TMEM178B: variants seen among roughly 807,000 people sequenced by gnomAD.
TMEM178B encodes transmembrane protein 178B.
A neutral mutation model predicts 31.0 loss-of-function variants in TMEM178B; 5 were observed. The observed-to-expected ratio is 0.16, with a 90% CI of 0.08 to 0.34. The LOEUF is 0.34. TMEM178B is among the 10% of genes least tolerant of loss of function. TMEM178B has a pLI of 1.00. For missense variants in TMEM178B, 275 were observed against 400.3 expected (o/e 0.69, Z 2.67); for synonymous variants, 164 against 164.0 (o/e 1.00, Z 0.00).
intron 1 of TMEM178B, among the ~76,000 whole-genome samples, chr7:141,126,723 C>T (rs977105884): frequency 2.6e-5 from 4 of 152,082 alleles, no homozygotes; most frequent in African/African-American, 4.8e-5. Context: ...TGTTTATATC[C>T]GTGGGCACTT....
Position 141,195,634 on chromosome 7 carries a change from A to G in TMEM178B, c.383-16957A>G, listed in dbSNP as rs538085418. Among the ~76,000 whole-genome samples the G allele has an allele frequency of 8.5e-5, 13 of 152,284 alleles. No homozygotes were observed. The South Asian group carries it at 2.5e-3, about 29-fold the overall frequency. ...CTCCAAACTGTTCCAGCCTCTGCCTATTACCCAGTTCCAAAGTTGCTTCCA... is the reference window on the plus strand; with the variant it reads ...CTCCAAACTGTTCCAGCCTCTGCCTGTTACCCAGTTCCAAAGTTGCTTCCA... On this transcript the variant is annotated intron_variant, in intron 1 of 3. Transcript: ENST00000565468.
the TMEM178B span, among the ~76,000 whole-genome samples, chr7:141,506,551 T>A: frequency 1.3e-5 from 2 of 152,296 alleles, no homozygotes; most frequent in South Asian, 4.1e-4. Context: ...CCGGCCGCCA[T>A]GATTTAATTA....
intron 2 of TMEM178B, among the ~76,000 whole-genome samples, chr7:141,237,402 A>G (rs545212003): frequency 6.6e-6 from 1 of 152,268 alleles, no homozygotes; most frequent in Admixed American, 6.5e-5. Context: ...AGAGTGTGCT[A>G]TAACCATTAA....
At chr7:141,133,961 G>T (rs1795634527) in intron 1 of TMEM178B, among the ~76,000 whole-genome samples, 1 of 152,198 alleles carries the variant, frequency 6.6e-6, no homozygotes, top group Admixed American at 6.5e-5. Context: ...AGAGGTGGGT[G>T]TAATGGCTCA....
rs543124684 is a variant in TMEM178B, at chr7:141,290,577, G to A, written c.496+77873G>A. 6.6e-5 allele frequency among the ~76,000 whole-genome samples: 10 copies of A among 152,032 alleles called. No individual in the cohort carries two copies. In the South Asian group the frequency reaches 1.5e-3, roughly 22 times the overall value. ...CGTGCATGCACACACGCACACACAC[G>A]TGCATGCACATGTAAACACATGCAC... On this transcript the variant is annotated intron_variant, in intron 2 of 3. Transcript: ENST00000565468.
intron 2 of TMEM178B, among the ~76,000 whole-genome samples, chr7:141,423,805 G>GTTTTTTTTTTTTTTTT (rs5888005): frequency 9.2e-6 from 1 of 108,798 alleles, no homozygotes. Flanking sequence ...TGACATTTGT[G>GTTTTTTTTTTTTTTTT]TTTTTTTTTT....
chr7:141,466,563 A>G (rs1370130485), intron 3 of TMEM178B, among the ~76,000 whole-genome samples: 1 of 152,312 alleles, frequency 6.6e-6, no homozygotes, highest in South Asian at 2.1e-4. Context: ...CTTCTCCAGC[A>G]TAGCATGGCT....
intron 1 of TMEM178B, among the ~76,000 whole-genome samples, chr7:141,079,222 G>A (rs1394701024): frequency 6.6e-6 from 1 of 152,220 alleles, no homozygotes; most frequent in Non-Finnish European, 1.5e-5. Context: ...AGGAGGTAGA[G>A]GTTGCGGTGA....
chr7:141,495,152 C>T, the TMEM178B span, among the ~76,000 whole-genome samples: 1 of 151,984 alleles, frequency 6.6e-6, no homozygotes, highest in Non-Finnish European at 1.5e-5. Flanking sequence ...ATGTCAAATC[C>T]CAAAATAGAT....
intron 1 of TMEM178B, among the ~76,000 whole-genome samples, chr7:141,202,122 T>G (rs956236416): frequency 6.6e-6 from 1 of 152,158 alleles, no homozygotes; most frequent in Admixed American, 6.5e-5. Context: ...AATAAAACAG[T>G]TCTGTGCACA....
chr7:141,107,253 G>A (rs1338947965), intron 1 of TMEM178B, among the ~76,000 whole-genome samples: 1 of 152,178 alleles, frequency 6.6e-6, no homozygotes, highest in African/African-American at 2.4e-5. Context: ...GCCACTGTCA[G>A]GTCCTGGCTT....
intron 2 of TMEM178B, among the ~76,000 whole-genome samples, chr7:141,215,794 CTTT>C (rs1797126007): frequency 1.3e-5 from 1 of 79,032 alleles, no homozygotes; most frequent in East Asian, 3.4e-4. Context: ...TTCTTTCTTT[CTTT>C]CTTTCTTTCT....
intron 1 of TMEM178B, among the ~76,000 whole-genome samples, chr7:141,175,368 T>G (rs1450297187): frequency 6.6e-6 from 1 of 152,174 alleles, no homozygotes; most frequent in Non-Finnish European, 1.5e-5. Context: ...ACTGTAGCCT[T>G]GTAGTATAGT....
chr7:141,312,618 A>G (rs1798931558), intron 2 of TMEM178B, among the ~76,000 whole-genome samples: 1 of 152,210 alleles, frequency 6.6e-6, no homozygotes, highest in Admixed American at 6.5e-5. Flanking sequence ...CCCAGTATTC[A>G]ACTCGCAAAG....
intron 1 of TMEM178B, among the ~76,000 whole-genome samples, chr7:141,110,097 T>C (rs1795210483): frequency 6.6e-6 from 1 of 152,210 alleles, no homozygotes; most frequent in South Asian, 2.1e-4. Flanking sequence ...GGAAAAGTAA[T>C]GATTGGATTT....
intron 2 of TMEM178B, among the ~76,000 whole-genome samples, chr7:141,270,397 A>G (rs928851036): frequency 6.6e-6 from 1 of 152,158 alleles, no homozygotes; most frequent in South Asian, 2.1e-4. Flanking sequence ...GGGTTCAAGC[A>G]ATTCTCCTGC....
intron 2 of TMEM178B, among the ~76,000 whole-genome samples, chr7:141,334,981 C>A (rs1370606401): frequency 6.6e-6 from 1 of 152,188 alleles, no homozygotes; most frequent in African/African-American, 2.4e-5. Flanking sequence ...TCTGGAGGAT[C>A]TTTTGTTTCA....
At chr7:141,338,133 G>A (rs1408932492) in intron 2 of TMEM178B, among the ~76,000 whole-genome samples, 3 of 152,114 alleles carry the variant, frequency 2.0e-5, no homozygotes, top group Non-Finnish European at 2.9e-5. Context: ...CACCGTGCCC[G>A]GCCGATTTGA....
chr7:141,470,900 G>A lies in TMEM178B; in HGVS notation c.*114G>A. ...CCAGTGCCAAGGTAGAGTTGAGTTG[G>A]CTCAGGCACCTGCATCTCGCCGGAC... On this transcript the variant is annotated 3_prime_UTR_variant, in exon 4 of 4. Transcript: ENST00000565468. 1.6e-6 allele frequency: 1 copy of A among 638,276 alleles called. No homozygotes were observed. The highest frequency in any genetic ancestry group is 2.0e-5 in the African/African-American group (1 of 50,872). The allele number at this position is 638,276 out of a possible 1,614,324, so 39.5% of individuals were successfully genotyped here.
Sources: gnomAD v4.1 joint callset for allele counts (sites outside exome capture counted in the v4.1 genomes callset) on GRCh38, gnomAD v4.1.1 for gene constraint, MANE v1.5 for transcripts, NCBI Gene and HGNC (gene_info 2026-07-23, HGNC 2026-07-21) for gene names.